The following RBMS3 variants were observed in gnomAD, a reference collection of about 807,000 sequenced individuals.
RBMS3 encodes the protein RNA-binding motif, single-stranded-interacting protein 3.
In RBMS3, 27 loss-of-function variants were observed where a neutral mutation model predicts 66.8. The observed-to-expected ratio is 0.40, with a 90% CI of 0.30 to 0.56. The LOEUF (loss-of-function observed/expected upper bound fraction) is 0.56, where lower values mean the gene tolerates loss of function less well. Among genes scored for constraint, RBMS3 ranks in the 20% least tolerant of loss-of-function variants. RBMS3 has a pLI of 0.40. For missense variants in RBMS3, 513 were observed against 549.5 expected, an observed-to-expected ratio of 0.93 and a Z score of 0.66; for synonymous variants, 188 against 183.0, an observed-to-expected ratio of 1.03 and a Z score of -0.22.
intron 3 of RBMS3, among the ~76,000 whole-genome samples, chr3:29,501,964 G>T (rs2043991973): frequency 6.6e-6 from 1 of 152,046 alleles, no homozygotes; most frequent in Admixed American, 6.6e-5. Flanking sequence ...AACATACTCT[G>T]CAGCTCAGCC....
intron 1 of RBMS3, among the ~76,000 whole-genome samples, chr3:29,285,864 A>T (rs2032287466): frequency 6.6e-6 from 1 of 152,144 alleles, no homozygotes; most frequent in Non-Finnish European, 1.5e-5. Flanking sequence ...AAAGATGTGA[A>T]TGTACAGATC....
At chr3:29,550,338 G>A (rs558180098) in intron 3 of RBMS3, among the ~76,000 whole-genome samples, 3 of 152,116 alleles carry the variant, frequency 2.0e-5, no homozygotes, top group African/African-American at 7.2e-5. Context: ...ATAAAATATA[G>A]GATGCTCAAT....
At chr3:29,937,655 G>C (rs568726855) in intron 11 of RBMS3, among the ~76,000 whole-genome samples, 2 of 151,990 alleles carry the variant, frequency 1.3e-5, no homozygotes, top group East Asian at 3.9e-4. Flanking sequence ...GCTTGGGCTG[G>C]ATCAAATGAT....
chr3:29,555,866 G>T (rs2046342106), intron 3 of RBMS3, among the ~76,000 whole-genome samples: 1 of 132,764 alleles, frequency 7.5e-6, no homozygotes, highest in South Asian at 2.3e-4. Context: ...AAACTGCTCT[G>T]AGAAAAGACA....
intron 3 of RBMS3, among the ~76,000 whole-genome samples, chr3:29,494,717 G>A (rs1189538004): frequency 6.6e-6 from 1 of 152,150 alleles, no homozygotes; most frequent in African/African-American, 2.4e-5. Flanking sequence ...TTGGAAACAA[G>A]GTGTAAATCT....
At chr3:29,693,841 T>C (rs1453198235) in intron 4 of RBMS3, among the ~76,000 whole-genome samples, 2 of 152,236 alleles carry the variant, frequency 1.3e-5, no homozygotes, top group Middle Eastern at 3.2e-3. Context: ...TCTTTTCTGT[T>C]TGTCCCCTCT....
chr3:29,975,062 TTC>T (rs965716102), intron 12 of RBMS3, among the ~76,000 whole-genome samples: 1 of 119,770 alleles, frequency 8.3e-6, no homozygotes, highest in Non-Finnish European at 1.6e-5. Flanking sequence ...TAAAATATGT[TTC>T]TATATATATT....
intron 3 of RBMS3, among the ~76,000 whole-genome samples, chr3:29,525,322 T>G (rs2045051182): frequency 6.6e-6 from 1 of 152,192 alleles, no homozygotes; most frequent in Non-Finnish European, 1.5e-5. Context: ...GAGCACATTT[T>G]TTTATTCTGG....
At chr3:29,704,761 A>C (rs1379463166) in intron 4 of RBMS3, among the ~76,000 whole-genome samples, 1 of 152,252 alleles carries the variant, frequency 6.6e-6, no homozygotes, top group African/African-American at 2.4e-5. Flanking sequence ...AATAATTTAA[A>C]AAATTGTTAG....
chr3:29,384,397 TAAG>T (rs1238669180), intron 1 of RBMS3, among the ~76,000 whole-genome samples: 3 of 137,804 alleles, frequency 2.2e-5, no homozygotes, highest in African/African-American at 8.6e-5. Context: ...TAACCTTGCT[TAAG>T]AAGTAAACAT....
intron 3 of RBMS3, among the ~76,000 whole-genome samples, chr3:29,575,006 T>C (rs1404456735): frequency 6.6e-6 from 1 of 152,178 alleles, no homozygotes; most frequent in Non-Finnish European, 1.5e-5. Flanking sequence ...ATTTAGTCTT[T>C]CCACTTAAGA....
intron 4 of RBMS3, among the ~76,000 whole-genome samples, chr3:29,602,589 A>G (rs1232291964): frequency 2.0e-5 from 3 of 152,038 alleles, no homozygotes; most frequent in Non-Finnish European, 2.9e-5. Flanking sequence ...GTATATCCAG[A>G]AAGTAAAGAT....
intron 6 of RBMS3, among the ~76,000 whole-genome samples, chr3:29,799,553 A>G (rs906766221): frequency 2.6e-5 from 4 of 152,188 alleles, no homozygotes; most frequent in South Asian, 2.1e-4. Flanking sequence ...CATTTTAAAT[A>G]TTTCACTGCA....
At chr3:29,846,291 G>A in intron 6 of RBMS3, among the ~76,000 whole-genome samples, 1 of 151,980 alleles carries the variant, frequency 6.6e-6, no homozygotes, top group East Asian at 1.9e-4. Flanking sequence ...GGATAGAAGT[G>A]GAAGATTTGG....
intron 4 of RBMS3, among the ~76,000 whole-genome samples, chr3:29,642,356 T>C (rs2049749501): frequency 6.6e-6 from 1 of 152,106 alleles, no homozygotes; most frequent in South Asian, 2.1e-4. Flanking sequence ...TTAAAACAAA[T>C]TGATCATCTA....
intron 4 of RBMS3, among the ~76,000 whole-genome samples, chr3:29,701,333 A>T (rs1301021936): frequency 6.6e-6 from 1 of 152,194 alleles, no homozygotes. Context: ...CTCCGTAAAA[A>T]ACAAGCTAGG....
At chr3:29,526,195 G>C (rs1013503244) in intron 3 of RBMS3, 1 of 151,844 alleles carries the variant, frequency 6.6e-6, no homozygotes, top group African/African-American at 2.4e-5. Context: ...ATTTTAATAA[G>C]ATCCCTTCTT....
intron 4 of RBMS3, among the ~76,000 whole-genome samples, chr3:29,706,840 T>C (rs1576578069): frequency 6.6e-6 from 1 of 152,190 alleles, no homozygotes; most frequent in Non-Finnish European, 1.5e-5. Context: ...TAGAATATGG[T>C]GTTAAGAGAA....
intron 6 of RBMS3, among the ~76,000 whole-genome samples, chr3:29,796,793 A>T (rs1576830149): frequency 6.8e-6 from 1 of 146,286 alleles, no homozygotes; most frequent in South Asian, 2.1e-4. Context: ...GCTCACTGCA[A>T]CCTCCACCTC....
Sources: allele counts gnomAD v4.1 joint callset (sites outside exome capture counted in the v4.1 genomes callset), GRCh38; gene constraint gnomAD v4.1.1; transcripts MANE v1.5; gene names NCBI Gene and HGNC (gene_info 2026-07-23, HGNC 2026-07-21).